CPAP: variants seen among roughly 807,000 people sequenced by gnomAD.
CPAP encodes centrosomal P4.1-associated protein.
the CPAP span, among the ~76,000 whole-genome samples, chr13:24,908,551 C>T: frequency 6.6e-6 from 1 of 151,006 alleles, no homozygotes; most frequent in Non-Finnish European, 1.5e-5. Flanking sequence ...CAAGATGGTG[C>T]CACTGGACTC....
the CPAP span, among the ~76,000 whole-genome samples, chr13:24,923,863 C>G: frequency 2.6e-5 from 4 of 152,046 alleles, no homozygotes; most frequent in African/African-American, 9.7e-5. Flanking sequence ...GAGTCTCGCT[C>G]TGTTGCCCAG....
the CPAP span, chr13:24,883,892 G>A: frequency 1.3e-6 from 2 of 1,590,432 alleles, no homozygotes; most frequent in Non-Finnish European, 1.7e-6. Flanking sequence ...CGCAAGGCTG[G>A]GGCACCTTCT....
chr13:24,929,901 ATTTTTTTTTTT>A, the CPAP span, among the ~76,000 whole-genome samples: 1 of 100,930 alleles, frequency 9.9e-6, no homozygotes, highest in Non-Finnish European at 1.9e-5. Context: ...TCACTTGTGA[ATTTTTTTTTTT>A]TTTTTTTTTT....
chr13:24,912,133 C>G, the CPAP span: 3 of 1,475,908 alleles, frequency 2.0e-6, no homozygotes, highest in Non-Finnish European at 2.8e-6. Flanking sequence ...CACCTCGTTC[C>G]CTTAATTCCT....
At chr13:24,908,070 T>C in the CPAP span, 2 of 1,613,206 alleles carry the variant, frequency 1.2e-6, no homozygotes, top group East Asian at 2.2e-5. Context: ...TGTAAGTTCT[T>C]ATCATTTGCT....
the CPAP span, among the ~76,000 whole-genome samples, chr13:24,884,822 T>G: frequency 5.3e-3 from 812 of 152,322 alleles, 22 homozygotes; most frequent in East Asian, 0.081. Context: ...TGGACCAGAT[T>G]AGGTATTCGA....
At chr13:24,907,151 T>G in the CPAP span, 31 of 1,613,844 alleles carry the variant, frequency 1.9e-5, no homozygotes, top group Non-Finnish European at 1.8e-5. Flanking sequence ...CTAAGTAATC[T>G]TCAAAGGTCT....
the CPAP span, among the ~76,000 whole-genome samples, chr13:24,902,860 C>A: frequency 6.6e-6 from 1 of 152,160 alleles, no homozygotes; most frequent in East Asian, 1.9e-4. Flanking sequence ...TAGATCCCAT[C>A]CCGCAGCAGG....
the CPAP span, among the ~76,000 whole-genome samples, chr13:24,932,792 T>C: frequency 6.6e-6 from 1 of 152,230 alleles, no homozygotes; most frequent in Non-Finnish European, 1.5e-5. Flanking sequence ...TTGGGTGTTG[T>C]AATATCAGCC....
the CPAP span, chr13:24,899,534 A>G: frequency 7.4e-6 from 12 of 1,613,840 alleles, no homozygotes; most frequent in South Asian, 2.2e-5. Flanking sequence ...AAACTCTTCT[A>G]TTCGAGCTAA....
chr13:24,894,709 A>AGAACGCGCGGAGGT, the CPAP span, among the ~76,000 whole-genome samples: 1 of 151,914 alleles, frequency 6.6e-6, no homozygotes, highest in Admixed American at 6.6e-5. Context: ...CGCGCGGAGG[A>AGAACGCGCGGAGGT]GACAGAAGGC....
chr13:24,912,696 T>C, the CPAP span: 4 of 1,614,200 alleles, frequency 2.5e-6, no homozygotes, highest in African/African-American at 5.3e-5. Context: ...CACTGTGACA[T>C]GCCGCTACCT....
At chr13:24,909,798 T>C in the CPAP span, 6 of 1,611,576 alleles carry the variant, frequency 3.7e-6, no homozygotes, top group Non-Finnish European at 5.1e-6. Context: ...ACCTGTAGGA[T>C]GGTTACGGTT....
chr13:24,884,612 C>G, the CPAP span: 1 of 778,472 alleles, frequency 1.3e-6, no homozygotes, highest in South Asian at 1.5e-5. Flanking sequence ...GAGTAGCAAA[C>G]TCGTGATTTT....
chr13:24,921,983 T>C, the CPAP span, among the ~76,000 whole-genome samples: 2 of 152,226 alleles, frequency 1.3e-5, no homozygotes, highest in Non-Finnish European at 1.5e-5. Context: ...ATAATATATA[T>C]GCCGAGATAG....
the CPAP span, among the ~76,000 whole-genome samples, chr13:24,925,441 T>G: frequency 1.3e-5 from 2 of 152,148 alleles, no homozygotes; most frequent in Non-Finnish European, 2.9e-5. Context: ...GCGGATAATT[T>G]GAGCCTAGAC....
the CPAP span, chr13:24,933,427 A>AAAT: frequency 4.1e-6 from 1 of 245,830 alleles, no homozygotes; most frequent in Non-Finnish European, 8.0e-6. Context: ...CAGACCAGTC[A>AAAT]AATCTATTCT....
chr13:24,883,431 A>G, the CPAP span: 1 of 1,328,488 alleles, frequency 7.5e-7, no homozygotes, highest in Non-Finnish European at 1.0e-6. Context: ...AAACAACAGA[A>G]AAACTACTGA....
the CPAP span, among the ~76,000 whole-genome samples, chr13:24,921,495 G>A: frequency 6.6e-6 from 1 of 151,842 alleles, no homozygotes; most frequent in Non-Finnish European, 1.5e-5. Context: ...TAATACAGGG[G>A]GTGGATACAC....
Sources: gnomAD v4.1 joint callset for allele counts (sites outside exome capture counted in the v4.1 genomes callset) on GRCh38, gnomAD v4.1.1 for gene constraint, MANE v1.5 for transcripts, NCBI Gene and HGNC (gene_info 2026-07-23, HGNC 2026-07-21) for gene names.